GNAQ: variants seen among roughly 807,000 people sequenced by gnomAD.
GNAQ encodes the protein G protein subunit alpha q, also known as guanine nucleotide-binding protein G(q) subunit alpha.
GNAQ carries 8 observed loss-of-function variants against 43.9 expected under a neutral mutation model. The observed-to-expected ratio is 0.18, with a 90% confidence interval of 0.11 to 0.33. GNAQ has a LOEUF of 0.33. GNAQ is among the 10% of genes least tolerant of loss of function. GNAQ has a pLI of 1.00. For missense variants in GNAQ, 158 were observed against 450.8 expected, an observed-to-expected ratio of 0.35 and a Z score of 5.88; for synonymous variants, 155 against 170.7, an observed-to-expected ratio of 0.91 and a Z score of 0.71.
chr9:77,908,924 T>C (rs1185775380), intron 2 of GNAQ, among the ~76,000 whole-genome samples: 1 of 152,168 alleles, frequency 6.6e-6, no homozygotes, highest in African/African-American at 2.4e-5. Flanking sequence ...CGAGAAGCAA[T>C]ACTCTAGAAC....
intron 4 of GNAQ, among the ~76,000 whole-genome samples, chr9:77,795,586 A>T (rs1295411831): frequency 3.9e-5 from 6 of 152,130 alleles, no homozygotes; most frequent in Non-Finnish European, 7.4e-5. Context: ...AAGAACTAAG[A>T]TCTTCTAAGT....
intron 2 of GNAQ, among the ~76,000 whole-genome samples, chr9:77,916,989 T>C (rs1204876497): frequency 6.6e-6 from 1 of 152,220 alleles, no homozygotes; most frequent in African/African-American, 2.4e-5. Context: ...CAAAGGATAC[T>C]ATGATCCGCT....
chr9:77,941,841 G>A (rs528514170), intron 1 of GNAQ, among the ~76,000 whole-genome samples: 1 of 151,762 alleles, frequency 6.6e-6, no homozygotes, highest in Admixed American at 6.6e-5. Context: ...TGGAAAGAGT[G>A]GACTGCAAAT....
rs568119015 is a variant in GNAQ at position 78,019,774 on chromosome 9, A to C, written c.136+11326T>G. Among the ~76,000 whole-genome samples the C allele has an allele frequency of 1.9e-3, 294 of 152,122 alleles. 2 individuals carry two copies. Among genetic ancestry groups the C allele is most frequent in the African/African-American group, 6.4e-3 (267 of 41,494 alleles). Reference sequence around the variant, plus strand: ...CCCGTCTCTACTGAAAACACAAAAAATTAGCCAGGCATGGTGGCAGGCGCC... The same window carrying C: ...CCCGTCTCTACTGAAAACACAAAAACTTAGCCAGGCATGGTGGCAGGCGCC... On this transcript the variant is annotated intron_variant, in intron 1 of 6. Transcript: ENST00000286548.
chr9:77,753,577 T>A (rs1489530409), intron 5 of GNAQ, among the ~76,000 whole-genome samples: 1 of 152,166 alleles, frequency 6.6e-6, no homozygotes, highest in Non-Finnish European at 1.5e-5. Flanking sequence ...ATTAGGCCCA[T>A]AAACATATTC....
chr9:77,862,478 T>C (rs2117980934), intron 2 of GNAQ, among the ~76,000 whole-genome samples: 1 of 152,296 alleles, frequency 6.6e-6, no homozygotes, highest in African/African-American at 2.4e-5. Context: ...GCTGTCACCC[T>C]CTGAAGCCAC....
intron 1 of GNAQ, among the ~76,000 whole-genome samples, chr9:77,963,445 C>T (rs547937360): frequency 9.2e-5 from 14 of 152,124 alleles, no homozygotes; most frequent in African/African-American, 2.7e-4. Flanking sequence ...TGGAGCTTTC[C>T]GTGGAAATTT....
intron 5 of GNAQ, among the ~76,000 whole-genome samples, chr9:77,774,426 A>C (rs1022166836): frequency 6.6e-6 from 1 of 152,210 alleles, no homozygotes; most frequent in Non-Finnish European, 1.5e-5. Context: ...AATCAGAAAA[A>C]GAGAAAGCTG....
At chr9:77,763,617 G>A (rs1022528681) in intron 5 of GNAQ, among the ~76,000 whole-genome samples, 4 of 152,202 alleles carry the variant, frequency 2.6e-5, no homozygotes, top group East Asian at 1.9e-4. Flanking sequence ...ATTGTATTGC[G>A]ATGGATCAAG....
At chr9:77,942,442 T>C (rs1709289918) in intron 1 of GNAQ, among the ~76,000 whole-genome samples, 2 of 152,240 alleles carry the variant, frequency 1.3e-5, no homozygotes, top group Admixed American at 1.3e-4. Flanking sequence ...GATCCATCAC[T>C]CTGCTTTGTG....
intron 2 of GNAQ, among the ~76,000 whole-genome samples, chr9:77,902,312 A>G (rs1426499630): frequency 6.6e-6 from 1 of 152,224 alleles, no homozygotes; most frequent in African/African-American, 2.4e-5. Flanking sequence ...CTGATGAAGA[A>G]TATCATTTTC....
At chr9:77,732,851 C>T (rs1825517669) in intron 5 of GNAQ, among the ~76,000 whole-genome samples, 1 of 152,112 alleles carries the variant, frequency 6.6e-6, no homozygotes, top group Admixed American at 6.5e-5. Flanking sequence ...AGAGCTGGAT[C>T]AGGGAGAGCA....
At chr9:77,867,751 T>G (rs1247116220) in intron 2 of GNAQ, among the ~76,000 whole-genome samples, 1 of 152,184 alleles carries the variant, frequency 6.6e-6, no homozygotes, top group Admixed American at 6.5e-5. Flanking sequence ...ATTGCAGTCC[T>G]TTCTAAGAAG....
chr9:78,015,038 C>T (rs1193170663), intron 1 of GNAQ, among the ~76,000 whole-genome samples: 1 of 152,194 alleles, frequency 6.6e-6, no homozygotes, highest in African/African-American at 2.4e-5. Context: ...TAGACCCTCA[C>T]ATTCACTCAC....
At chr9:77,840,176 T>C (rs575455068) in intron 2 of GNAQ, among the ~76,000 whole-genome samples, 1 of 152,324 alleles carries the variant, frequency 6.6e-6, no homozygotes, top group East Asian at 1.9e-4. Flanking sequence ...GGTTGAATAA[T>C]GGCTTCTCTA....
At chr9:77,906,865 G>A (rs559262130) in intron 2 of GNAQ, among the ~76,000 whole-genome samples, 13 of 152,252 alleles carry the variant, frequency 8.5e-5, no homozygotes, top group Admixed American at 3.9e-4. Context: ...TTAGATGTGG[G>A]ACAGTGAACC....
chr9:77,969,926 T>A (rs1823215456), intron 1 of GNAQ, among the ~76,000 whole-genome samples: 1 of 152,122 alleles, frequency 6.6e-6, no homozygotes, highest in Non-Finnish European at 1.5e-5. Flanking sequence ...GAGCCAAAGA[T>A]CTGAACCTTG....
At chr9:78,001,611 G>C (rs1045132502) in intron 1 of GNAQ, among the ~76,000 whole-genome samples, 1 of 150,278 alleles carries the variant, frequency 6.7e-6, no homozygotes, top group Non-Finnish European at 1.5e-5. Flanking sequence ...AAGAAGTCAT[G>C]GATTGAGTTG....
At position 77,721,194 on chromosome 9, in the gene GNAQ, C is replaced by T. The variant is rs1176795215; in HGVS notation, c.*129G>A. The T allele has an allele frequency of 2.5e-5, 15 of 593,972 alleles. No homozygotes were observed. The highest frequency in any genetic ancestry group is 2.7e-5 in the Non-Finnish European group (9 of 334,142). 36.8% of individuals were successfully genotyped at this position (593,972 alleles called of 1,614,324 possible). A position where few individuals can be genotyped will look rare whatever the true frequency, so the allele number is the denominator to read the frequency against. On this transcript the variant is annotated 3_prime_UTR_variant, in exon 7 of 7. Transcript: ENST00000286548. ...ATATTTACTACAAACTCTGTGGACA[C>T]GCTCACACAGAGTCCAGGACGGCAA...
Sources: allele counts gnomAD v4.1 joint callset (sites outside exome capture counted in the v4.1 genomes callset), GRCh38; gene constraint gnomAD v4.1.1; transcripts MANE v1.5; gene names NCBI Gene and HGNC (gene_info 2026-07-23, HGNC 2026-07-21).